SDK1: variants seen among roughly 807,000 people sequenced by gnomAD.
The protein encoded by SDK1 is sidekick cell adhesion molecule 1, also known as protein sidekick-1.
In SDK1, 157 loss-of-function variants were observed where a neutral mutation model predicts 245.5. The observed-to-expected ratio is 0.64, with a 90% CI of 0.56 to 0.73. The LOEUF (loss-of-function observed/expected upper bound fraction) is 0.73, where lower values mean the gene tolerates loss of function less well. Ranked by LOEUF, SDK1 falls within the 30% of genes least tolerant of loss-of-function variation. SDK1 has a pLI of 0.00. For missense variants in SDK1, 3,583 were observed against 3,002.3 expected (o/e 1.19, Z -4.52); for synonymous variants, 1,647 against 1,278.5 (o/e 1.29, Z -6.15).
At chr7:4,018,351 G>A (rs752327679) in intron 17 of SDK1, among the ~76,000 whole-genome samples, 7 of 152,092 alleles carry the variant, frequency 4.6e-5, no homozygotes, top group African/African-American at 1.7e-4. Context: ...TTATCATCCC[G>A]TATTGACTGG....
intron 2 of SDK1, among the ~76,000 whole-genome samples, chr7:3,632,710 C>G (rs904746097): frequency 6.6e-6 from 1 of 152,156 alleles, no homozygotes; most frequent in Non-Finnish European, 1.5e-5. Flanking sequence ...ATATTGATTA[C>G]TTCAATTGTT....
chr7:4,062,792 T>C (rs1779622521), intron 19 of SDK1, among the ~76,000 whole-genome samples: 1 of 152,214 alleles, frequency 6.6e-6, no homozygotes, highest in Admixed American at 6.5e-5. Flanking sequence ...GATGCAAGGA[T>C]GGTTCAACAT....
At chr7:3,590,366 C>G (rs922943027) in intron 1 of SDK1, among the ~76,000 whole-genome samples, 7 of 131,346 alleles carry the variant, frequency 5.3e-5, no homozygotes, top group Admixed American at 9.1e-5. Flanking sequence ...AATACAATAG[C>G]AAAGACAAAT....
At chr7:4,173,118 G>T (rs993862586) in intron 32 of SDK1, among the ~76,000 whole-genome samples, 2 of 152,230 alleles carry the variant, frequency 1.3e-5, no homozygotes, top group Admixed American at 1.3e-4. Context: ...CAGTGAGCCC[G>T]ACACCGGAAG....
Position 4,265,446 on chromosome 7 carries a change from A to C in SDK1, c.*62A>C. 7.2e-7 allele frequency: 1 copy of C among 1,396,948 alleles called. No homozygotes were observed. Among genetic ancestry groups the C allele is most frequent in the Non-Finnish European group, 9.2e-7 (1 of 1,083,802 alleles). 86.5% of individuals were successfully genotyped at this position (1,396,948 alleles called of 1,614,324 possible). ...CAACTTTCCGGAGTCTATTTTTGTTAAGACAATCAACTCCAATAACTGAGC... is the reference window on the plus strand; with the variant it reads ...CAACTTTCCGGAGTCTATTTTTGTTCAGACAATCAACTCCAATAACTGAGC... On this transcript the variant is annotated 3_prime_UTR_variant, in exon 45 of 45. Transcript: ENST00000404826.
At chr7:3,784,240 G>T (rs575348640) in intron 4 of SDK1, among the ~76,000 whole-genome samples, 37 of 151,670 alleles carry the variant, frequency 2.4e-4, no homozygotes, top group African/African-American at 8.9e-4. Flanking sequence ...TTTCAACAAA[G>T]ATATTATGCC....
At chr7:3,506,862 T>G (rs1782410595) in intron 1 of SDK1, among the ~76,000 whole-genome samples, 1 of 152,216 alleles carries the variant, frequency 6.6e-6, no homozygotes, top group African/African-American at 2.4e-5. Context: ...ACACACACAT[T>G]TATTCATTTG....
At chr7:3,338,467 A>C in intron 1 of SDK1, 1 of 515,210 alleles carries the variant, frequency 1.9e-6, no homozygotes, top group Non-Finnish European at 3.7e-6. Flanking sequence ...TGATCAGAAA[A>C]AGAAGGAAGC....
At chr7:4,087,514 C>G (rs1186520272) in intron 22 of SDK1, among the ~76,000 whole-genome samples, 2 of 151,788 alleles carry the variant, frequency 1.3e-5, no homozygotes, top group Admixed American at 6.6e-5. Flanking sequence ...GCTTGACTTT[C>G]TTAGGATTTT....
chr7:3,642,379 C>A (rs1431181746), intron 4 of SDK1, among the ~76,000 whole-genome samples: 10 of 152,040 alleles, frequency 6.6e-5, no homozygotes, highest in Non-Finnish European at 1.5e-4. Context: ...CCATTTTTTT[C>A]TTTTCTGAGT....
At chr7:4,196,330 C>G (rs959769347) in intron 35 of SDK1, among the ~76,000 whole-genome samples, 2 of 152,194 alleles carry the variant, frequency 1.3e-5, no homozygotes, top group African/African-American at 4.8e-5. Flanking sequence ...CGGGCTGGGT[C>G]CCCACACCCT....
chr7:3,509,761 G>A (rs1004567899), intron 1 of SDK1, among the ~76,000 whole-genome samples: 1 of 152,156 alleles, frequency 6.6e-6, no homozygotes, highest in Non-Finnish European at 1.5e-5. Flanking sequence ...GCCCTGCAGA[G>A]GATTTCTGTA....
chr7:4,261,216 C>A (rs528468771), intron 44 of SDK1, among the ~76,000 whole-genome samples: 5 of 152,154 alleles, frequency 3.3e-5, no homozygotes, highest in Non-Finnish European at 7.3e-5. Context: ...ACGGTGTCGG[C>A]TCATGGATCA....
intron 43 of SDK1, 49 bp downstream of exon 43, chr7:4,241,962 G>C: frequency 6.3e-7 from 1 of 1,598,102 alleles, no homozygotes; most frequent in Non-Finnish European, 8.5e-7. Flanking sequence ...TGAGCTGCCA[G>C]GGCTGGGGTG....
At chr7:3,329,860 T>TATTATATATTTATATTTATATTTATA (rs1780025587) in intron 1 of SDK1, among the ~76,000 whole-genome samples, 1 of 152,244 alleles carries the variant, frequency 6.6e-6, no homozygotes, top group Non-Finnish European at 1.5e-5. Flanking sequence ...ATTTATACTT[T>TATTATATATTTATATTTATATTTATA]ATTAGGTATT....
intron 4 of SDK1, among the ~76,000 whole-genome samples, chr7:3,735,732 C>G (rs915686931): frequency 6.6e-6 from 1 of 152,302 alleles, no homozygotes; most frequent in Non-Finnish European, 1.5e-5. Context: ...TTTTAAGGAA[C>G]CTCCATACTG....
In SDK1 at chr7:3,403,854, TATATATATATATATA is replaced by T. The variant is rs1249095410; in HGVS notation, c.298+101981_298+101995del. On this transcript the variant is annotated intron_variant, in intron 1 of 44. Transcript: ENST00000404826. ...ATATATATATATATATATATATATA[TATATATATATATATA>T]ATATATATATTTATTTATATTATAT... is the stretch of plus-strand genomic sequence containing the variant. Among the ~76,000 whole-genome samples the T allele has an allele frequency of 2.4e-3, 246 of 102,654 alleles. 3 individuals carry two copies. The highest frequency in any genetic ancestry group is 3.9e-3 in the Non-Finnish European group (206 of 53,026). 67.3% of individuals were successfully genotyped at this position (102,654 alleles called of 152,430 possible).
intron 4 of SDK1, among the ~76,000 whole-genome samples, chr7:3,730,800 C>G (rs540537807): frequency 6.6e-6 from 1 of 152,102 alleles, no homozygotes; most frequent in Admixed American, 6.5e-5. Context: ...AGGGAGAGGA[C>G]ATATAACCCT....
rs189051212 is a variant in SDK1, at chr7:4,094,817, G to A, written c.3324+15233G>A. 7.9e-5 allele frequency among the ~76,000 whole-genome samples: 12 copies of A among 152,280 alleles called. No individual in the cohort carries two copies. In the East Asian group the frequency reaches 2.1e-3, roughly 27 times the overall value. On this transcript the variant is annotated intron_variant, in intron 22 of 44. Coordinates refer to ENST00000404826, the MANE Select transcript of SDK1 (RefSeq NM_152744.4). ...TGACCTCTCCTATGGCTTACAGTAA[G>A]GATCCATAAAGGCAGAGAGGCAGAG... is the stretch of plus-strand genomic sequence containing the variant.
Sources: gnomAD v4.1 joint callset for allele counts (sites outside exome capture counted in the v4.1 genomes callset) on GRCh38, gnomAD v4.1.1 for gene constraint, MANE v1.5 for transcripts, NCBI Gene and HGNC (gene_info 2026-07-23, HGNC 2026-07-21) for gene names.